Variants in FAM120B observed in about 807,000 individuals in gnomAD.
FAM120B encodes family with sequence similarity 120 member B.
In FAM120B, 83 loss-of-function variants were observed where a neutral mutation model predicts 96.3. That is an observed-to-expected ratio of 0.86 (90% CI 0.72 to 1.03). The LOEUF (loss-of-function observed/expected upper bound fraction) is 1.03, where lower values mean the gene tolerates loss of function less well. Among genes scored for constraint, FAM120B ranks in the 50% least tolerant of loss-of-function variants. The pLI is 0.00. For missense variants in FAM120B, 1,027 were observed against 1,121.2 expected, an observed-to-expected ratio of 0.92 and a Z score of 1.20; for synonymous variants, 407 against 402.7, an observed-to-expected ratio of 1.01 and a Z score of -0.13.
upstream of FAM120B, chr6:170,291,103 T>C (rs2747755): frequency 0.018 from 10,806 of 599,486 alleles, 120 homozygotes; most frequent in Non-Finnish European, 0.024. Flanking sequence ...GCAACCCTCC[T>C]CCCCGCCCCC....
intron 1 of FAM120B, among the ~76,000 whole-genome samples, chr6:170,299,988 C>T (rs956817741): frequency 1.3e-5 from 2 of 152,242 alleles, no homozygotes; most frequent in East Asian, 1.9e-4. Context: ...AGCAATAAAA[C>T]ACTTCAGCAG....
intron 6 of FAM120B, 144 bp downstream of exon 6, chr6:170,358,462 T>C: frequency 1.6e-6 from 1 of 644,720 alleles, no homozygotes; most frequent in Non-Finnish European, 2.7e-6. Flanking sequence ...TAGTTTGTCT[T>C]CGTCTCTTTA....
intron 9 of FAM120B, among the ~76,000 whole-genome samples, chr6:170,403,292 C>G (rs192669232): frequency 6.6e-6 from 1 of 152,286 alleles, no homozygotes; most frequent in African/African-American, 2.4e-5. Flanking sequence ...AGTAATCCAC[C>G]TTTTCAGTTG....
intron 8 of FAM120B, among the ~76,000 whole-genome samples, chr6:170,391,407 C>T (rs767045959): frequency 9.9e-5 from 15 of 152,032 alleles, no homozygotes; most frequent in Admixed American, 5.2e-4. Flanking sequence ...TGTTGGCGGG[C>T]GCCTGTAATC....
chr6:170,312,810 G>C (rs1484870109), intron 1 of FAM120B, among the ~76,000 whole-genome samples: 5 of 152,228 alleles, frequency 3.3e-5, no homozygotes, highest in East Asian at 1.9e-4. Flanking sequence ...ATACAGTGAA[G>C]ACAGCTGGGG....
chr6:170,380,886 G>C (rs1417159270), intron 6 of FAM120B, among the ~76,000 whole-genome samples: 1 of 152,082 alleles, frequency 6.6e-6, no homozygotes, highest in Non-Finnish European at 1.5e-5. Flanking sequence ...TGCTTTTCTT[G>C]CCTGAGCCTT....
intron 6 of FAM120B, among the ~76,000 whole-genome samples, chr6:170,360,203 C>T (rs1788249058): frequency 6.6e-6 from 1 of 152,202 alleles, no homozygotes; most frequent in African/African-American, 2.4e-5. Flanking sequence ...GTCTACCCTT[C>T]ACCAGCTATG....
At chr6:170,306,455 C>G (rs973808342), upstream of FAM120B, 1 of 152,264 alleles carries the variant, frequency 6.6e-6, no homozygotes, top group African/African-American at 2.4e-5. Flanking sequence ...AAGACACCGT[C>G]CGGGCCGCAG....
upstream of FAM120B, among the ~76,000 whole-genome samples, chr6:170,291,617 C>T (rs1249615345): frequency 6.6e-6 from 1 of 152,156 alleles, no homozygotes; most frequent in African/African-American, 2.4e-5. Context: ...GCGGCAGTTT[C>T]GGGAAGTTTG....
At chr6:170,360,826 G>T (rs1253188075) in intron 6 of FAM120B, among the ~76,000 whole-genome samples, 1 of 152,078 alleles carries the variant, frequency 6.6e-6, no homozygotes, top group African/African-American at 2.4e-5. Flanking sequence ...ACCAGCCAAG[G>T]ACTGGCTTGA....
chr6:170,334,208 T>TC (rs1382676873), intron 4 of FAM120B, among the ~76,000 whole-genome samples: 3 of 152,234 alleles, frequency 2.0e-5, no homozygotes, highest in Admixed American at 2.0e-4. Context: ...TGCACACATC[T>TC]CATTGGTAAT....
intron 6 of FAM120B, among the ~76,000 whole-genome samples, chr6:170,369,698 T>G (rs1035837971): frequency 6.6e-6 from 1 of 151,558 alleles, no homozygotes; most frequent in African/African-American, 2.4e-5. Flanking sequence ...AGTTTTTTTT[T>G]TTTTTTTTTT....
At chr6:170,351,610 C>T (rs185836453) in intron 5 of FAM120B, among the ~76,000 whole-genome samples, 100 of 152,300 alleles carry the variant, frequency 6.6e-4, no homozygotes, top group African/African-American at 2.3e-3. Flanking sequence ...AGCAGAAACC[C>T]TACAAGCCAG....
At chr6:170,355,801 A>T (rs1228048503) in intron 5 of FAM120B, among the ~76,000 whole-genome samples, 4 of 152,208 alleles carry the variant, frequency 2.6e-5, no homozygotes, top group African/African-American at 7.2e-5. Context: ...CTATTGGTTA[A>T]TATTTTCTAT....
At chr6:170,392,211 C>G (rs956382901) in intron 8 of FAM120B, among the ~76,000 whole-genome samples, 1 of 151,942 alleles carries the variant, frequency 6.6e-6, no homozygotes, top group East Asian at 1.9e-4. Context: ...GGGTTTTTTG[C>G]TTTTTGTTTT....
At chr6:170,351,235 CAA>C (rs1787557381) in intron 5 of FAM120B, among the ~76,000 whole-genome samples, 2 of 152,100 alleles carry the variant, frequency 1.3e-5, no homozygotes, top group Middle Eastern at 3.4e-3. Flanking sequence ...GATAGGCAGA[CAA>C]GAATAGAGAC....
rs779217116 is a variant in FAM120B, at chr6:170,318,019, A to G, written c.629A>G (p.Lys210Arg). ...GACACCGTCATGCTCTGCAGAGAGA[A>G]GCTCTGTGAGAGTCTGGGCCTCTGT... ...SLDTVMLCRE[K>R]LCESLGLCVA... Residue 210 changes from lysine to arginine, a missense_variant, in exon 2 of 11, where the codon AAG (lysine) becomes AGG (arginine). Lys to Arg is a conservative substitution (Grantham distance 26). Around this residue, in one of 3 missense-constraint regions of FAM120B, gnomAD observed 880 missense variants for 980.9 expected, o/e 0.90. Transcript: ENST00000476287. 6.2e-7 allele frequency: 1 copy of G among 1,613,994 alleles called. No homozygotes were observed. The highest frequency in any genetic ancestry group is 1.1e-5 in the South Asian group (1 of 91,052).
chr6:170,399,854 A>ACC (rs1554293116), intron 9 of FAM120B, among the ~76,000 whole-genome samples: 13 of 12,492 alleles, frequency 1.0e-3, no homozygotes, highest in African/African-American at 2.3e-3. Flanking sequence ...CTATGTCATA[A>ACC]CTTAGGAGTG....
intron 4 of FAM120B, among the ~76,000 whole-genome samples, chr6:170,332,934 CT>C (rs1786158591): frequency 6.6e-6 from 1 of 151,782 alleles, no homozygotes; most frequent in South Asian, 2.1e-4. Flanking sequence ...TCTTTTTCCT[CT>C]GGTAGCACAT....
Sources: allele counts gnomAD v4.1 joint callset (sites outside exome capture counted in the v4.1 genomes callset), GRCh38; gene constraint gnomAD v4.1.1; regional missense constraint gnomAD v4.1.1; transcripts MANE v1.5; gene names NCBI Gene and HGNC (gene_info 2026-07-23, HGNC 2026-07-21).